The following DUOX2 variants were observed in gnomAD, a reference collection of about 807,000 sequenced individuals.
DUOX2 encodes dual oxidase 2, also known as NADH/NADPH thyroid oxidase p138-tox.
DUOX2 carries 185 observed loss-of-function variants against 183.3 expected under a neutral mutation model. That is an observed-to-expected ratio of 1.01 (90% CI 0.90 to 1.14). The LOEUF is 1.14. DUOX2 is among the 50% of genes most tolerant of loss of function. DUOX2 has a pLI of 0.00. For missense variants in DUOX2, 1,999 were observed against 2,022.9 expected (o/e 0.99, Z 0.23); for synonymous variants, 788 against 812.4 (o/e 0.97, Z 0.51).
In DUOX2 at chr15:45,106,982, G is replaced by A; in HGVS notation, c.1694-13C>T. 1 of 1,569,610 alleles carries A rather than the reference G, an allele frequency of 6.4e-7. No homozygotes were observed. Among genetic ancestry groups the A allele is most frequent in the Non-Finnish European group, 8.6e-7 (1 of 1,156,704 alleles). On this transcript the variant is annotated splice_polypyrimidine_tract_variant and intron_variant, in intron 14 of 33. Coordinates refer to ENST00000389039, the MANE Select transcript of DUOX2 (RefSeq NM_001363711.2). ...GGGCAGGGTGCACCTGAGGGAGAGGGCAGGGAAGACCTCAAAGTCTGAGGA... is the reference window on the plus strand; with the variant it reads ...GGGCAGGGTGCACCTGAGGGAGAGGACAGGGAAGACCTCAAAGTCTGAGGA...
chr15:45,107,868 AAAAAG>A (rs1216761094), intron 13 of DUOX2, among the ~76,000 whole-genome samples, 174 bp downstream of exon 13: 10 of 13,536 alleles, frequency 7.4e-4, no homozygotes, highest in East Asian at 3.3e-3. Context: ...AAAAAAAAAA[AAAAAG>A]AAAAAGAAAA....
intron 12 of DUOX2, 147 bp from the exon 13 acceptor site, chr15:45,108,369 A>G: frequency 2.1e-6 from 2 of 942,172 alleles, no homozygotes; most frequent in Non-Finnish European, 3.2e-6. Context: ...CCCCTCAGGC[A>G]GGACAAGTCT....
At position 45,097,679 on chromosome 15, in the gene DUOX2, A is replaced by C; in HGVS notation, c.3628T>G (p.Phe1210Val). 1 of 1,614,168 alleles carries C rather than the reference A, an allele frequency of 6.2e-7. No homozygotes were observed. The highest frequency in any genetic ancestry group is 1.1e-5 in the South Asian group (1 of 91,090). Residue 1210 changes from phenylalanine (F) to valine (V), a missense_variant, in exon 28 of 34, where the codon TTC becomes GTC. Around this residue, in one of 3 missense-constraint regions of DUOX2, gnomAD observed 1,628 missense variants for 1,608.6 expected, o/e 1.01. Transcript: ENST00000389039. ...AAGCCCCGGAAGCTGCGGCGGCGGA[A>C]GTGGTGGGAGGCGAAGACATACATG... ...AIMYVFASHH[F>V]RRRSFRGFWL...
rs1050749239 is a variant in DUOX2 at position 45,094,152 on chromosome 15, A to G, written c.4645T>C (p.Ter1549ArgextTer140). 6.2e-7 allele frequency: 1 copy of G among 1,614,208 alleles called. No homozygotes were observed. The highest frequency in any genetic ancestry group is 1.7e-5 in the Admixed American group (1 of 60,026). Residue 1549 changes from the stop codon to arginine (R), a stop_lost, in exon 34 of 34, where the codon TGA becomes CGA. Coordinates refer to ENST00000389039, the MANE Select transcript of DUOX2 (RefSeq NM_001363711.2). The stretch of plus-strand genomic sequence containing the variant: ...AGCAGCAGCCAGGGAGGACAGGCTC[A>G]GAAGTTCTCATAGTGGTGCATGAAG... Reference protein sequence around the residue: ...AHFMHHYENF* With the variant: ...AHFMHHYENFR
Position 45,097,402 on chromosome 15 carries a change from G to A in DUOX2, c.3694-11C>T, listed in dbSNP as rs753507689. The A allele has an allele frequency of 1.5e-5, 24 of 1,614,200 alleles. No individual in the cohort carries two copies. The highest frequency in any genetic ancestry group is 6.6e-5 in the South Asian group (6 of 91,082). ...GCCATGGATGATGAGCTGGAGACAC[G>A]GCCAGTTAGTACAACTCAGGCCCAG... On this transcript the variant is annotated splice_polypyrimidine_tract_variant and intron_variant, in intron 28 of 33. Coordinates refer to ENST00000389039, the MANE Select transcript of DUOX2 (RefSeq NM_001363711.2).
At chr15:45,105,618 C>T (rs1374162033) in intron 18 of DUOX2, 25 bp downstream of exon 18, 10 of 1,614,100 alleles carry the variant, frequency 6.2e-6, no homozygotes, top group African/African-American at 2.7e-5. Context: ...CTGGACCCAT[C>T]TCCAAAAGGC....
In DUOX2 at chr15:45,107,169, G is replaced by T. The variant is rs1894241613; in HGVS notation, c.1693+176C>A. On this transcript the variant is annotated intron_variant, in intron 14 of 33. Coordinates refer to ENST00000389039, the MANE Select transcript of DUOX2 (RefSeq NM_001363711.2). ...CCATCCACCCCTTCTTGACTGTAGG[G>T]TGTAGCTTGTGTGCTAGTTGAGGTC... is the stretch of plus-strand genomic sequence containing the variant. Among the ~76,000 whole-genome samples, 3 of 152,188 alleles carry T rather than the reference G, an allele frequency of 2.0e-5. No homozygotes were observed. The South Asian group carries it at 6.2e-4, about 32-fold the overall frequency.
chr15:45,096,955 G>A (rs1595519639), intron 29 of DUOX2, among the ~76,000 whole-genome samples: 1 of 152,100 alleles, frequency 6.6e-6, no homozygotes. Context: ...CACACATGTG[G>A]GGCCCTTTCC....
chr15:45,110,798 A>C, intron 7 of DUOX2, 88 bp from the exon 8 acceptor site: 1 of 1,594,606 alleles, frequency 6.3e-7, no homozygotes, highest in South Asian at 1.1e-5. Context: ...TTCCGTGTGG[A>C]GATGAGACCA....
In DUOX2 at chr15:45,094,228, G is replaced by A. The variant is rs776232363; in HGVS notation, c.4569C>T (p.Thr1523=). 2.5e-6 allele frequency: 4 copies of A among 1,613,966 alleles called. No individual in the cohort carries two copies. Among genetic ancestry groups the A allele is most frequent in the Non-Finnish European group, 3.4e-6 (4 of 1,180,026 alleles). ...GVFSCGPPGM[T]KNVEKACQLV... is the part of the protein sequence containing the mutation. ...GCTGACAGGCCTTCTCTACATTCTT[G>A]GTCATTCCTGGAGGGCCGCAGCTGA... The change falls in exon 34 of 34, where the codon ACC becomes ACT. Residue 1523 remains threonine, a synonymous_variant. Transcript: ENST00000389039.
At position 45,109,599 on chromosome 15, in the gene DUOX2, C is replaced by T; in HGVS notation, c.1159G>A (p.Val387Met). 2 of 1,614,160 alleles carry T rather than the reference C, an allele frequency of 1.2e-6. No homozygotes were observed. Among genetic ancestry groups the T allele is most frequent in the African/African-American group, 1.3e-5 (1 of 75,018 alleles). ...GCCATTCCCAGCAGCAGCTCATTCA[C>T]CTCCTGGGTACTGTTCAGATTGGGG... ...ENPNLNSTQE[V>M]NELLLGMASQ... is the part of the protein sequence containing the mutation. Residue 387 changes from valine (V) to methionine (M), a missense_variant, in exon 11 of 34, where the codon GTG (valine) becomes ATG (methionine). By Grantham distance (21) the Val-to-Met change is conservative. This residue lies in a region of DUOX2 where 1,628 missense variants were observed against 1,608.6 expected (regional missense o/e 1.01). Coordinates refer to ENST00000389039, the MANE Select transcript of DUOX2 (RefSeq NM_001363711.2).
intron 29 of DUOX2, 50 bp downstream of exon 29, chr15:45,097,188 G>C (rs1233046632): frequency 6.8e-6 from 11 of 1,612,864 alleles, no homozygotes; most frequent in Admixed American, 6.7e-5. Context: ...CCCCATGTCT[G>C]AAGATTTGGC....
chr15:45,100,235 C>A lies in DUOX2; in HGVS notation c.3006-7G>T. ...GGGAGTGGGCACTGCTGCCCTATAGCAAGGGGAGGCAGGGCAGCAGTGTGG... is the reference window on the plus strand; with the variant it reads ...GGGAGTGGGCACTGCTGCCCTATAGAAAGGGGAGGCAGGGCAGCAGTGTGG... On this transcript the variant is annotated splice_polypyrimidine_tract_variant and splice_region_variant and intron_variant, in intron 23 of 33. Transcript: ENST00000389039. The A allele has an allele frequency of 1.9e-6, 3 of 1,611,814 alleles. No homozygotes were observed. The highest frequency in any genetic ancestry group is 2.5e-6 in the Non-Finnish European group (3 of 1,179,220).
At position 45,106,121 on chromosome 15, in the gene DUOX2, A is replaced by T; in HGVS notation, c.2148+4T>A. 2 of 1,614,188 alleles carry T rather than the reference A, an allele frequency of 1.2e-6. No individual in the cohort carries two copies. Among genetic ancestry groups the T allele is most frequent in the Non-Finnish European group, 1.7e-6 (2 of 1,180,020 alleles). ...CCAGGCTGGGGAGGCAGGACGAGCCATACCAGGTCATACTCCTTAGGGATC... is the reference window on the plus strand; with the variant it reads ...CCAGGCTGGGGAGGCAGGACGAGCCTTACCAGGTCATACTCCTTAGGGATC... On this transcript the variant is annotated splice_donor_region_variant and intron_variant, in intron 17 of 33. Transcript: ENST00000389039.
At chr15:45,106,370 C>G in intron 16 of DUOX2, 43 bp from the exon 17 acceptor site, 3 of 1,610,432 alleles carry the variant, frequency 1.9e-6, no homozygotes, top group East Asian at 2.2e-5. Flanking sequence ...GCAGATGTCC[C>G]CAGGTCCCCG....
rs1458857770 is a variant in DUOX2, at chr15:45,112,535, TCTC to T, written c.325+16_325+18del. On this transcript the variant is annotated intron_variant, in intron 4 of 33. Transcript: ENST00000389039. ...CAGAGCGCCAGATCAACCCCACTGG[TCTC>T]CCCCTTTGCCCTCACCAAAGAAGAC... The T allele has an allele frequency of 6.8e-6, 11 of 1,610,984 alleles. No individual in the cohort carries two copies. In the Admixed American group the frequency reaches 1.8e-4, roughly 27 times the overall value.
intron 12 of DUOX2, 144 bp from the exon 13 acceptor site, chr15:45,108,366 G>A: frequency 1.0e-6 from 1 of 960,268 alleles, no homozygotes; most frequent in Non-Finnish European, 1.6e-6. Flanking sequence ...AGCCCCCTCA[G>A]GCAGGACAAG....
rs752094560 is a variant in DUOX2, at chr15:45,097,658, C to T, written c.3649G>A (p.Gly1217Ser). The change falls in exon 28 of 34, where the codon GGC (glycine) becomes AGC (serine). Residue 1217 changes from glycine to serine, a missense_variant. Physicochemically the swap from Gly to Ser is moderately conservative, Grantham distance 56. Around this residue, in one of 3 missense-constraint regions of DUOX2, gnomAD observed 1,628 missense variants for 1,608.6 expected, o/e 1.01. Transcript: ENST00000389039. ...TAGAGGTGGTGGGTCAGCCAGAAGC[C>T]CCGGAAGCTGCGGCGGCGGAAGTGG... Reference protein sequence around the residue: ...SHHFRRRSFRGFWLTHHLYIL... With the variant: ...SHHFRRRSFRSFWLTHHLYIL... 2 of 1,614,170 alleles carry T rather than the reference C, an allele frequency of 1.2e-6. No individual in the cohort carries two copies. The highest frequency in any genetic ancestry group is 2.2e-5 in the East Asian group (1 of 44,856).
Position 45,110,096 on chromosome 15 carries a change from T to C in DUOX2, c.1041-116A>G, listed in dbSNP as rs896052737. On this transcript the variant is annotated intron_variant, in intron 9 of 33. Transcript: ENST00000389039. ...TAGGATTGAGCAGTGGCCCAGGAAC[T>C]TCCTTGAACACGGCAGAGATTTGGT... is the stretch of plus-strand genomic sequence containing the variant. 8 of 930,624 alleles carry C rather than the reference T, an allele frequency of 8.6e-6. No individual in the cohort carries two copies. The Admixed American group carries it at 1.5e-4, about 17-fold the overall frequency. 57.6% of individuals were successfully genotyped at this position (930,624 alleles called of 1,614,324 possible).
Sources: gnomAD v4.1 joint callset for allele counts (sites outside exome capture counted in the v4.1 genomes callset) on GRCh38, gnomAD v4.1.1 for gene constraint, gnomAD v4.1.1 regional missense constraint, MANE v1.5 for transcripts, NCBI Gene and HGNC (gene_info 2026-07-23, HGNC 2026-07-21) for gene names.